The following MCC variants were observed in gnomAD, a reference collection of about 807,000 sequenced individuals.
MCC encodes colorectal mutant cancer protein.
Under a neutral mutation model 116.2 loss-of-function variants are expected in MCC, and 90 were observed. The observed-to-expected ratio is 0.77, with a 90% CI of 0.65 to 0.92. The LOEUF (loss-of-function observed/expected upper bound fraction) is 0.92. Among genes scored for constraint, MCC ranks in the 40% least tolerant of loss-of-function variants. The probability of loss-of-function intolerance (pLI) is 0.00; values close to 1 mark genes in which losing one functional copy is unlikely to be tolerated. For missense variants in MCC, 1,516 were observed against 1,312.2 expected, an observed-to-expected ratio of 1.16 and a Z score of -2.40; for synonymous variants, 578 against 510.5, an observed-to-expected ratio of 1.13 and a Z score of -1.78.
chr5:113,084,397 CT>C, intron 9 of MCC, among the ~76,000 whole-genome samples: 1 of 152,306 alleles, frequency 6.6e-6, no homozygotes, highest in East Asian at 1.9e-4. Context: ...TTGGATAATT[CT>C]TTTTATGGGG....
intron 1 of MCC, among the ~76,000 whole-genome samples, chr5:113,486,947 A>G (rs1772549668): frequency 6.6e-6 from 1 of 152,114 alleles, no homozygotes; most frequent in Admixed American, 6.5e-5. Context: ...TATATAATGA[A>G]ATTTCTTTTA....
intron 2 of MCC, among the ~76,000 whole-genome samples, chr5:113,350,301 C>T (rs1019205089): frequency 6.6e-6 from 1 of 152,038 alleles, no homozygotes; most frequent in African/African-American, 2.4e-5. Flanking sequence ...AATTACACTA[C>T]AGAGCTAAGT....
At chr5:113,041,331 G>C (rs1751693680) in intron 17 of MCC, among the ~76,000 whole-genome samples, 1 of 152,196 alleles carries the variant, frequency 6.6e-6, no homozygotes, top group African/African-American at 2.4e-5. Context: ...TGGCAGGAAA[G>C]ACATTTTTTA....
chr5:113,224,850 C>T (rs150504677), intron 3 of MCC, among the ~76,000 whole-genome samples: 29 of 152,268 alleles, frequency 1.9e-4, no homozygotes, highest in Admixed American at 4.6e-4. Flanking sequence ...AAAATGACTC[C>T]TTAGGAAAAG....
At chr5:113,041,401 T>C (rs1399986080) in intron 17 of MCC, among the ~76,000 whole-genome samples, 1 of 152,072 alleles carries the variant, frequency 6.6e-6, no homozygotes, top group Non-Finnish European at 1.5e-5. Flanking sequence ...TGCTCAATCA[T>C]AAAAAATGAA....
At position 113,235,805 on chromosome 5, in the gene MCC, G is replaced by C. The variant is rs1050811935; in HGVS notation, c.628-84383C>G. ...CCAGGAAACAAATCATTTTGAGGGG[G>C]TATTCTTTCATTTCAATGTTATGCC... On this transcript the variant is annotated intron_variant, in intron 3 of 18. Coordinates refer to ENST00000408903, the MANE Select transcript of MCC (RefSeq NM_001085377.2). 2.2e-4 allele frequency among the ~76,000 whole-genome samples: 34 copies of C among 152,186 alleles called. 1 individual carries two copies. The highest frequency in any genetic ancestry group is 2.0e-3 in the Admixed American group (30 of 15,278).
At chr5:113,056,698 C>A (rs577537640) in intron 14 of MCC, among the ~76,000 whole-genome samples, 1 of 152,132 alleles carries the variant, frequency 6.6e-6, no homozygotes, top group East Asian at 1.9e-4. Context: ...ATGTAACAAC[C>A]GTCCACATGT....
intron 3 of MCC, among the ~76,000 whole-genome samples, chr5:113,285,780 G>A (rs1010271453): frequency 3.9e-5 from 6 of 152,130 alleles, no homozygotes; most frequent in African/African-American, 1.4e-4. Context: ...ATGTATCTGT[G>A]TAGGATGCAT....
At chr5:113,414,031 C>G (rs1292852796) in intron 1 of MCC, among the ~76,000 whole-genome samples, 1 of 151,938 alleles carries the variant, frequency 6.6e-6, no homozygotes, top group Non-Finnish European at 1.5e-5. Flanking sequence ...TGTTATTTAC[C>G]TAGTAGTCAT....
At chr5:113,238,426 C>A (rs1272470333) in intron 3 of MCC, among the ~76,000 whole-genome samples, 1 of 152,130 alleles carries the variant, frequency 6.6e-6, no homozygotes, top group African/African-American at 2.4e-5. Flanking sequence ...TTATACATGA[C>A]AGATGACCCA....
chr5:113,122,992 T>C (rs576579642), intron 5 of MCC, among the ~76,000 whole-genome samples, 166 bp from the exon 6 acceptor site: 4 of 152,220 alleles, frequency 2.6e-5, no homozygotes, highest in Non-Finnish European at 5.9e-5. Flanking sequence ...GTCACATCTA[T>C]GCTCAGTGAG....
Position 113,340,747 on chromosome 5 carries a change from C to A in MCC, c.416-17G>T. The A allele has an allele frequency of 6.2e-7, 1 of 1,608,312 alleles. No individual in the cohort carries two copies. ...ATAAGGCACCTAAGTCCGAGAGAAG[C>A]AGAGAAAATGAAAAGACATTTCCTT... On this transcript the variant is annotated splice_polypyrimidine_tract_variant and intron_variant, in intron 2 of 18. Transcript: ENST00000408903.
chr5:113,292,283 A>C (rs1320873253), intron 3 of MCC, among the ~76,000 whole-genome samples: 1 of 152,140 alleles, frequency 6.6e-6, no homozygotes, highest in Non-Finnish European at 1.5e-5. Context: ...AGTAAAAATA[A>C]CTACCATTCA....
Position 113,053,825 on chromosome 5 carries a change from ATGCTTT to A in MCC, c.2342_2347del (p.Glu781_Ile783delinsVal). On this transcript the variant is annotated inframe_deletion, in exon 15 of 19. Coordinates refer to ENST00000408903, the MANE Select transcript of MCC (RefSeq NM_001085377.2). ...GTCATAGCTGAGAGGATCGATGTGG[ATGCTTT>A]CCAGCTCCAGCATGGTCAGCTTGAC... The A allele has an allele frequency of 6.2e-7, 1 of 1,614,066 alleles. No individual in the cohort carries two copies. The highest frequency in any genetic ancestry group is 1.1e-5 in the South Asian group (1 of 91,080).
chr5:113,104,439 A>G (rs916814482), intron 6 of MCC, 84 bp from the exon 7 acceptor site: 1 of 1,278,488 alleles, frequency 7.8e-7, no homozygotes, highest in African/African-American at 1.5e-5. Flanking sequence ...CATTCAGGTA[A>G]TGGGATGGCA....
At position 113,187,749 on chromosome 5, in the gene MCC, C is replaced by T. The variant is rs779600760; in HGVS notation, c.628-36327G>A. On this transcript the variant is annotated intron_variant, in intron 3 of 18. Coordinates refer to ENST00000408903, the MANE Select transcript of MCC (RefSeq NM_001085377.2). ...CGGCCTGGGCGACTGAGTGAGACTCCAACTCAAAAAAAAAAAAAAAAAGAA... is the reference window on the plus strand; with the variant it reads ...CGGCCTGGGCGACTGAGTGAGACTCTAACTCAAAAAAAAAAAAAAAAAGAA... Among the ~76,000 whole-genome samples, 33 of 54,798 alleles carry T rather than the reference C, an allele frequency of 6.0e-4. 1 individual carries two copies. Among genetic ancestry groups the T allele is most frequent in the Admixed American group, 3.5e-3 (15 of 4,312 alleles). 35.9% of individuals were successfully genotyped at this position (54,798 alleles called of 152,430 possible).
At chr5:113,063,913 T>C in intron 14 of MCC, 71 bp downstream of exon 14, 1 of 1,508,488 alleles carries the variant, frequency 6.6e-7, no homozygotes. Flanking sequence ...GCTGGGTCAC[T>C]GCACACCAAG....
At chr5:113,170,168 T>C (rs558043666) in intron 3 of MCC, among the ~76,000 whole-genome samples, 1 of 152,324 alleles carries the variant, frequency 6.6e-6, no homozygotes, top group East Asian at 1.9e-4. Flanking sequence ...AGCTTGACCA[T>C]TGATGGTAGT....
chr5:113,108,724 T>C (rs1248939193), intron 6 of MCC, among the ~76,000 whole-genome samples: 1 of 151,440 alleles, frequency 6.6e-6, no homozygotes. Context: ...GCTGGCAAGA[T>C]GTGAGGTCAT....
Sources: allele counts gnomAD v4.1 joint callset (sites outside exome capture counted in the v4.1 genomes callset), GRCh38; gene constraint gnomAD v4.1.1; transcripts MANE v1.5; gene names NCBI Gene and HGNC (gene_info 2026-07-23, HGNC 2026-07-21).